CTNNA3: variants seen among roughly 807,000 people sequenced by gnomAD.
CTNNA3 encodes catenin alpha-3.
A neutral mutation model predicts 95.7 loss-of-function variants in CTNNA3; 76 were observed. The ratio of observed to expected loss-of-function variants is 0.79; its 90% CI spans 0.66 to 0.96. CTNNA3 has a LOEUF of 0.96. Among genes scored for constraint, CTNNA3 ranks in the 40% least tolerant of loss-of-function variants. The probability of loss-of-function intolerance (pLI) is 0.00; values close to 1 mark genes in which losing one functional copy is unlikely to be tolerated. For missense variants in CTNNA3, 1,191 were observed against 1,089.8 expected, an observed-to-expected ratio of 1.09 and a Z score of -1.31; for synonymous variants, 431 against 374.4, an observed-to-expected ratio of 1.15 and a Z score of -1.74.
chr10:67,721,556 T>G (rs562953503), intron 1 of CTNNA3, among the ~76,000 whole-genome samples: 15 of 152,330 alleles, frequency 9.8e-5, no homozygotes, highest in African/African-American at 3.4e-4. Flanking sequence ...TAGCAATTCC[T>G]CTAACCTTTT....
chr10:66,928,092 A>AC, intron 7 of CTNNA3: 1 of 1,613,992 alleles, frequency 6.2e-7, no homozygotes. Context: ...ATGAGAGCAA[A>AC]CCCCCTTTGC....
chr10:67,701,693 G>C lies in CTNNA3; in HGVS notation c.-1-54179C>G, dbSNP rs963263719. Among the ~76,000 whole-genome samples, 3 of 152,140 alleles carry C rather than the reference G, an allele frequency of 2.0e-5. No individual in the cohort carries two copies. In the East Asian group the frequency reaches 5.8e-4, roughly 29 times the overall value. ...TTCATGCCAAACTGTAAAGACCATCGAGGCTAGGAAGAAACTGCATCAACT... is the reference window on the plus strand; with the variant it reads ...TTCATGCCAAACTGTAAAGACCATCCAGGCTAGGAAGAAACTGCATCAACT... On this transcript the variant is annotated intron_variant, in intron 1 of 17. Transcript: ENST00000684154.
Position 66,519,816 on chromosome 10 carries a change from A to T in CTNNA3, c.1531+801T>A, listed in dbSNP as rs114127996. On this transcript the variant is annotated intron_variant, in intron 11 of 17. Coordinates refer to ENST00000433211, the MANE Select transcript of CTNNA3 (RefSeq NM_013266.4). ...ATGTCATCAGGAACTTCTGAGGCTG[A>T]GTCATGGGTGCGTGTCCTGAACTTT... Among the ~76,000 whole-genome samples, 1,512 of 152,268 alleles carry T rather than the reference A, an allele frequency of 9.9e-3. 26 individuals are homozygous for T. Among genetic ancestry groups the T allele is most frequent in the African/African-American group, 0.035 (1,436 of 41,544 alleles).
intron 12 of CTNNA3, among the ~76,000 whole-genome samples, chr10:66,324,677 T>C (rs957208402): frequency 3.3e-5 from 5 of 152,178 alleles, no homozygotes; most frequent in African/African-American, 1.2e-4. Context: ...ACAAACCTGT[T>C]CCATGTCCTG....
At chr10:66,855,357 C>A (rs1445952984) in intron 7 of CTNNA3, among the ~76,000 whole-genome samples, 2 of 152,088 alleles carry the variant, frequency 1.3e-5, no homozygotes, top group Admixed American at 1.3e-4. Context: ...ATTTCTCAAG[C>A]ATACCCAAAG....
At chr10:67,163,265 T>C (rs972801200) in intron 7 of CTNNA3, among the ~76,000 whole-genome samples, 2 of 151,992 alleles carry the variant, frequency 1.3e-5, no homozygotes, top group African/African-American at 4.8e-5. Flanking sequence ...ATGAATTGTA[T>C]ACCATGACCA....
rs74884377 is a variant in CTNNA3 at position 67,202,700 on chromosome 10, G to A, written c.843+16907C>T. Among the ~76,000 whole-genome samples the A allele has an allele frequency of 3.6e-4, 54 of 152,092 alleles. 1 individual carries two copies. In the East Asian group the frequency reaches 0.01, roughly 29 times the overall value. On this transcript the variant is annotated intron_variant, in intron 6 of 17. Transcript: ENST00000433211. ...AACATCATTCCATTTTGAACGAAGT[G>A]CTTTATCCAACAGACCGATCATGCT...
intron 5 of CTNNA3, among the ~76,000 whole-genome samples, chr10:67,332,337 T>C (rs1841826065): frequency 6.6e-6 from 1 of 152,174 alleles, no homozygotes; most frequent in Non-Finnish European, 1.5e-5. Context: ...AGAACTGAAT[T>C]TGGGAACCTA....
chr10:67,188,673 T>C (rs1410837979), intron 6 of CTNNA3, among the ~76,000 whole-genome samples: 3 of 152,156 alleles, frequency 2.0e-5, no homozygotes, highest in African/African-American at 7.2e-5. Context: ...AATCAGTATA[T>C]CAAAGAGATA....
chr10:67,409,877 G>C (rs1845300907), intron 5 of CTNNA3, among the ~76,000 whole-genome samples: 1 of 152,172 alleles, frequency 6.6e-6, no homozygotes, highest in African/African-American at 2.4e-5. Flanking sequence ...AGAGGTCGTG[G>C]AGAAAGAGGA....
intron 17 of CTNNA3, among the ~76,000 whole-genome samples, chr10:65,924,750 G>T (rs1038578277): frequency 6.6e-6 from 1 of 152,128 alleles, no homozygotes; most frequent in African/African-American, 2.4e-5. Flanking sequence ...ACCTGAGACT[G>T]GGTAATTTAT....
intron 7 of CTNNA3, among the ~76,000 whole-genome samples, chr10:67,118,149 A>T (rs1564903134): frequency 6.6e-6 from 1 of 152,040 alleles, no homozygotes; most frequent in Non-Finnish European, 1.5e-5. Flanking sequence ...AGCATAATCA[A>T]TAAAGGTTGG....
intron 1 of CTNNA3, among the ~76,000 whole-genome samples, chr10:67,736,063 T>C (rs1423258361): frequency 2.0e-5 from 3 of 152,150 alleles, no homozygotes; most frequent in Non-Finnish European, 4.4e-5. Flanking sequence ...ATCAAATAAA[T>C]GGATAAACAA....
chr10:66,710,501 A>G (rs1589154330), intron 9 of CTNNA3, among the ~76,000 whole-genome samples: 1 of 151,946 alleles, frequency 6.6e-6, no homozygotes, highest in East Asian at 1.9e-4. Flanking sequence ...GATTGTTTAG[A>G]GTACACGAAA....
chr10:67,738,552 G>T (rs187819198), intron 1 of CTNNA3, among the ~76,000 whole-genome samples: 1 of 152,094 alleles, frequency 6.6e-6, no homozygotes, highest in Non-Finnish European at 1.5e-5. Flanking sequence ...CCAAACGAAC[G>T]CAGCTCCTCA....
rs1487840899 is a variant in CTNNA3, at chr10:66,525,490, T to C, written c.1375-4717A>G. Among the ~76,000 whole-genome samples the C allele has an allele frequency of 3.3e-5, 5 of 152,166 alleles. No individual in the cohort carries two copies. In the East Asian group the frequency reaches 9.6e-4, roughly 29 times the overall value. On this transcript the variant is annotated intron_variant, in intron 10 of 17. Transcript: ENST00000433211. The stretch of plus-strand genomic sequence containing the variant: ...CTTGACCTAGACTTCATGCTCTTAA[T>C]TGCCACACTGTACTCTCTTCTATAA...
At chr10:67,518,272 A>G (rs1430623717) in intron 5 of CTNNA3, among the ~76,000 whole-genome samples, 3 of 152,156 alleles carry the variant, frequency 2.0e-5, no homozygotes, top group Non-Finnish European at 4.4e-5. Flanking sequence ...AAGAGTGAAG[A>G]GTTATATTGA....
At chr10:67,526,961 CTT>C (rs1438144755) in intron 4 of CTNNA3, among the ~76,000 whole-genome samples, 2 of 152,146 alleles carry the variant, frequency 1.3e-5, no homozygotes, top group Non-Finnish European at 2.9e-5. Flanking sequence ...ATCATTGATG[CTT>C]TATGAAAAGT....
rs958846345 is a variant in CTNNA3, at chr10:66,458,868, A to G, written c.1531+61749T>C. ...GGTGATAATCTTTTGGATATTGTAC[A>G]TAATGCTGCTGTGAACATTGGTGTG... On this transcript the variant is annotated intron_variant, in intron 11 of 17. Coordinates refer to ENST00000433211, the MANE Select transcript of CTNNA3 (RefSeq NM_013266.4). Among the ~76,000 whole-genome samples the G allele has an allele frequency of 1.8e-4, 27 of 152,296 alleles. 1 individual carries two copies. The highest frequency in any genetic ancestry group is 6.5e-4 in the African/African-American group (27 of 41,586).
Sources: gnomAD v4.1 joint callset for allele counts (sites outside exome capture counted in the v4.1 genomes callset) on GRCh38, gnomAD v4.1.1 for gene constraint, MANE v1.5 for transcripts, NCBI Gene and HGNC (gene_info 2026-07-23, HGNC 2026-07-21) for gene names.